The following ZNF804A variants were observed in gnomAD, a reference collection of about 807,000 sequenced individuals.
ZNF804A encodes the protein zinc finger protein 804A.
A neutral mutation model predicts 16.5 loss-of-function variants in ZNF804A; 2 were observed. That is an observed-to-expected ratio of 0.12 (90% CI 0.05 to 0.38). The LOEUF (loss-of-function observed/expected upper bound fraction) is 0.38. Ranked by LOEUF, ZNF804A falls within the 10% of genes least tolerant of loss-of-function variation. The pLI, the probability that ZNF804A is intolerant of heterozygous loss-of-function variation, is 0.99. For missense variants in ZNF804A, 1,473 were observed against 1,390.7 expected, an observed-to-expected ratio of 1.06 and a Z score of -0.94; for synonymous variants, 534 against 489.6, an observed-to-expected ratio of 1.09 and a Z score of -1.20.
intron 1 of ZNF804A, among the ~76,000 whole-genome samples, chr2:184,602,127 C>T (rs578022541): frequency 6.6e-6 from 1 of 151,864 alleles, no homozygotes; most frequent in African/African-American, 2.4e-5. Context: ...ACCACCCAAA[C>T]ATAAAATTTT....
At chr2:184,653,197 G>A (rs999975373) in intron 1 of ZNF804A, among the ~76,000 whole-genome samples, 2 of 152,168 alleles carry the variant, frequency 1.3e-5, no homozygotes, top group African/African-American at 4.8e-5. Context: ...CATGTTGCAT[G>A]ATTGGGAATT....
chr2:184,881,299 G>A (rs550513688), intron 2 of ZNF804A, among the ~76,000 whole-genome samples: 52 of 151,654 alleles, frequency 3.4e-4, no homozygotes, highest in Middle Eastern at 3.4e-3. Context: ...ACTCACTGGC[G>A]TCCCTGAAAG....
At chr2:184,737,520 C>T (rs532264819) in intron 1 of ZNF804A, among the ~76,000 whole-genome samples, 1 of 152,064 alleles carries the variant, frequency 6.6e-6, no homozygotes, top group Non-Finnish European at 1.5e-5. Flanking sequence ...ATACTTGGTG[C>T]TTTTGAACAT....
intron 1 of ZNF804A, among the ~76,000 whole-genome samples, chr2:184,670,814 T>G (rs573373793): frequency 9.9e-5 from 15 of 152,104 alleles, no homozygotes; most frequent in Admixed American, 5.2e-4. Flanking sequence ...TTATTCTTGT[T>G]GGATTTTAGT....
At chr2:184,650,795 T>G (rs1691970989) in intron 1 of ZNF804A, among the ~76,000 whole-genome samples, 1 of 152,018 alleles carries the variant, frequency 6.6e-6, no homozygotes, top group Non-Finnish European at 1.5e-5. Flanking sequence ...ATGAAAGAAG[T>G]CATACATGAC....
At chr2:184,824,316 T>A (rs1695128144) in intron 1 of ZNF804A, among the ~76,000 whole-genome samples, 1 of 152,208 alleles carries the variant, frequency 6.6e-6, no homozygotes, top group Non-Finnish European at 1.5e-5. Flanking sequence ...ATCTCGTGTA[T>A]GTCAAACTTT....
At chr2:184,648,757 C>T (rs1691927618) in intron 1 of ZNF804A, among the ~76,000 whole-genome samples, 1 of 152,104 alleles carries the variant, frequency 6.6e-6, no homozygotes, top group South Asian at 2.1e-4. Flanking sequence ...TGTATACTCA[C>T]CAATTATTGG....
chr2:184,920,442 CT>C (rs1685513425), intron 2 of ZNF804A, among the ~76,000 whole-genome samples: 1 of 152,126 alleles, frequency 6.6e-6, no homozygotes, highest in Non-Finnish European at 1.5e-5. Flanking sequence ...CTTTACGTTT[CT>C]TAAATGTCTA....
chr2:184,894,763 G>GC (rs1685038964), intron 2 of ZNF804A, among the ~76,000 whole-genome samples: 1 of 152,072 alleles, frequency 6.6e-6, no homozygotes, highest in African/African-American at 2.4e-5. Flanking sequence ...TGGGCTCACT[G>GC]CAAGCTTCGC....
intron 1 of ZNF804A, among the ~76,000 whole-genome samples, chr2:184,761,104 C>A (rs1013543302): frequency 7.9e-5 from 12 of 152,040 alleles, no homozygotes; most frequent in Non-Finnish European, 1.5e-4. Context: ...ATACTTTTCA[C>A]GGAACTTAAA....
At chr2:184,643,827 A>C (rs1691833286) in intron 1 of ZNF804A, among the ~76,000 whole-genome samples, 1 of 151,530 alleles carries the variant, frequency 6.6e-6, no homozygotes, top group Non-Finnish European at 1.5e-5. Context: ...TAAAATAAAC[A>C]ATAATTTTAA....
chr2:184,714,268 C>A (rs1276809509), intron 1 of ZNF804A, among the ~76,000 whole-genome samples: 1 of 152,020 alleles, frequency 6.6e-6, no homozygotes, highest in Non-Finnish European at 1.5e-5. Context: ...CTCCCTCTGA[C>A]AATCCCAAAT....
intron 1 of ZNF804A, among the ~76,000 whole-genome samples, chr2:184,783,096 A>G (rs182244774): frequency 6.7e-6 from 1 of 149,682 alleles, no homozygotes; most frequent in Admixed American, 6.7e-5. Context: ...TATATATGTA[A>G]AATAATTTTT....
At chr2:184,930,766 A>G (rs548234145) in intron 2 of ZNF804A, among the ~76,000 whole-genome samples, 3 of 152,362 alleles carry the variant, frequency 2.0e-5, no homozygotes. Flanking sequence ...GAAATGTTAT[A>G]AACCAGGTAT....
At chr2:184,852,982 T>A (rs1460265029) in intron 1 of ZNF804A, among the ~76,000 whole-genome samples, 1 of 151,816 alleles carries the variant, frequency 6.6e-6, no homozygotes. Flanking sequence ...GTGAAAAATG[T>A]CATTGGAATT....
intron 1 of ZNF804A, among the ~76,000 whole-genome samples, chr2:184,836,619 TAAAC>T (rs1695349221): frequency 6.6e-6 from 1 of 151,892 alleles, no homozygotes; most frequent in South Asian, 2.1e-4. Flanking sequence ...ATCTTGGAAA[TAAAC>T]ATAGATATTA....
At chr2:184,684,992 C>T (rs1048986514) in intron 1 of ZNF804A, among the ~76,000 whole-genome samples, 6 of 152,044 alleles carry the variant, frequency 3.9e-5, no homozygotes, top group African/African-American at 7.3e-5. Flanking sequence ...GGGCTTGTTC[C>T]GCCCATTCAG....
At chr2:184,729,752 G>T (rs951904861) in intron 1 of ZNF804A, among the ~76,000 whole-genome samples, 2 of 152,052 alleles carry the variant, frequency 1.3e-5, no homozygotes, top group African/African-American at 4.8e-5. Flanking sequence ...TTACTATAGT[G>T]TCTAGATATC....
chr2:184,721,998 T>C (rs1480826220), intron 1 of ZNF804A, among the ~76,000 whole-genome samples: 2 of 152,050 alleles, frequency 1.3e-5, no homozygotes, highest in Non-Finnish European at 2.9e-5. Flanking sequence ...AGACAAAGTT[T>C]ACATGTTCTT....
Sources: gnomAD v4.1 joint callset for allele counts (sites outside exome capture counted in the v4.1 genomes callset) on GRCh38, gnomAD v4.1.1 for gene constraint, MANE v1.5 for transcripts, NCBI Gene and HGNC (gene_info 2026-07-23, HGNC 2026-07-21) for gene names.